Variants in WDFY4 observed in about 807,000 individuals in gnomAD.
WDFY4 encodes the protein WDFY family member 4.
A neutral mutation model predicts 351.9 loss-of-function variants in WDFY4; 169 were observed. The observed-to-expected ratio is 0.48, with a 90% CI of 0.42 to 0.55. The LOEUF is 0.55. Among genes scored for constraint, WDFY4 ranks in the 20% least tolerant of loss-of-function variants. The probability of loss-of-function intolerance (pLI) is 0.00; values close to 1 mark genes in which losing one functional copy is unlikely to be tolerated. For missense variants in WDFY4, 3,803 were observed against 3,935.6 expected (o/e 0.97, Z 0.90); for synonymous variants, 1,622 against 1,574.6 (o/e 1.03, Z -0.71).
intron 51 of WDFY4, 54 bp downstream of exon 51, chr10:48,947,023 CGCCTGT>C: frequency 3.3e-6 from 4 of 1,204,408 alleles, no homozygotes; most frequent in Non-Finnish European, 4.7e-6. Flanking sequence ...CACACACATA[CGCCTGT>C]ATCACAAGAC....
intron 1 of WDFY4, among the ~76,000 whole-genome samples, chr10:48,703,607 G>A (rs541547759): frequency 1.3e-5 from 2 of 152,262 alleles, no homozygotes; most frequent in African/African-American, 4.8e-5. Context: ...TTGCTCTGGG[G>A]CAGCTTTTCC....
Position 48,727,589 on chromosome 10 carries a change from G to A in WDFY4, c.901G>A (p.Val301Ile), listed in dbSNP as rs764549050. 87 of 1,551,844 alleles carry A rather than the reference G, an allele frequency of 5.6e-5. 2 individuals are homozygous for A. In the South Asian group the frequency reaches 8.0e-4, roughly 14 times the overall value. Residue 301 changes from valine (V) to isoleucine (I), a missense_variant, in exon 7 of 62, where the codon GTC (valine) becomes ATC (isoleucine). Transcript: ENST00000325239. ...GGGATTCGTGAAGGACTCCTACCCC[G>A]TCTCCTCGGCTCTGTTCCTGGAGTT... ...ILGFVKDSYP[V>I]SSALFLEFEN... is the part of the protein sequence containing the mutation.
chr10:48,775,755 A>T lies in WDFY4; in HGVS notation c.2812A>T (p.Thr938Ser). 1 of 1,551,756 alleles carries T rather than the reference A, an allele frequency of 6.4e-7. No homozygotes were observed. The highest frequency in any genetic ancestry group is 8.7e-7 in the Non-Finnish European group (1 of 1,147,010). The change falls in exon 15 of 62, where the codon ACA (threonine) becomes TCA (serine). Residue 938 changes from threonine to serine, a missense_variant. Around this residue, in one of 3 missense-constraint regions of WDFY4, gnomAD observed 3,054 missense variants for 3,148.6 expected, o/e 0.97. Coordinates refer to ENST00000325239, the MANE Select transcript of WDFY4 (RefSeq NM_001394531.1). Reference sequence around the variant, plus strand: ...AATTCCCTCATCTCTGTCGGCCACAACAAAAATCCTTGATTCATCTCACAC... The same window carrying T: ...AATTCCCTCATCTCTGTCGGCCACATCAAAAATCCTTGATTCATCTCACAC... Reference protein sequence around the residue: ...LGIPSSLSATTKILDSSHTHR... With the variant: ...LGIPSSLSATSKILDSSHTHR...
At chr10:48,770,946 G>A (rs1290740975) in intron 13 of WDFY4, among the ~76,000 whole-genome samples, 2 of 152,216 alleles carry the variant, frequency 1.3e-5, no homozygotes, top group African/African-American at 4.8e-5. Flanking sequence ...TGCAGCCTGG[G>A]AAGGATGTCC....
At chr10:48,856,720 A>G (rs973842617) in intron 39 of WDFY4, among the ~76,000 whole-genome samples, 21 of 152,156 alleles carry the variant, frequency 1.4e-4, no homozygotes, top group African/African-American at 4.8e-4. Flanking sequence ...GACTATTTTA[A>G]GCCATACATT....
At chr10:48,957,831 T>G (rs1420069323) in intron 52 of WDFY4, among the ~76,000 whole-genome samples, 1 of 152,020 alleles carries the variant, frequency 6.6e-6, no homozygotes, top group East Asian at 1.9e-4. Flanking sequence ...GCTATAGAGG[T>G]GGAACAAACA....
intron 24 of WDFY4, among the ~76,000 whole-genome samples, chr10:48,801,741 T>G (rs117248004): frequency 6.6e-6 from 1 of 152,194 alleles, no homozygotes; most frequent in East Asian, 1.9e-4. Flanking sequence ...TTACGAAAGA[T>G]AGTGGCATGT....
At chr10:48,839,338 A>G (rs2133110744) in intron 39 of WDFY4, among the ~76,000 whole-genome samples, 1 of 152,372 alleles carries the variant, frequency 6.6e-6, no homozygotes, top group South Asian at 2.1e-4. Context: ...TTAAAATCTG[A>G]TATTCAGAAG....
chr10:48,932,572 G>T (rs1047594998), intron 47 of WDFY4: 15 of 151,844 alleles, frequency 9.9e-5, no homozygotes, highest in Admixed American at 8.5e-4. Flanking sequence ...TATGGGTCAG[G>T]TCAGTGGATA....
Position 48,978,480 on chromosome 10 carries a change from G to C in WDFY4, c.9376+87G>C. 5 of 1,308,076 alleles carry C rather than the reference G, an allele frequency of 3.8e-6. No individual in the cohort carries two copies. The South Asian group carries it at 7.4e-5, about 19-fold the overall frequency. 81.0% of individuals were successfully genotyped at this position (1,308,076 alleles called of 1,614,324 possible). On this transcript the variant is annotated intron_variant, in intron 60 of 61. Coordinates refer to ENST00000325239, the MANE Select transcript of WDFY4 (RefSeq NM_001394531.1). ...TCTCCACCTCAGCCCAAGGGCTGCA[G>C]CTCCTCCCAGGTCTGCCCAGCCTAG... is the stretch of plus-strand genomic sequence containing the variant.
At chr10:48,848,739 A>C (rs916162781) in intron 39 of WDFY4, among the ~76,000 whole-genome samples, 3 of 152,224 alleles carry the variant, frequency 2.0e-5, no homozygotes, top group Non-Finnish European at 4.4e-5. Context: ...ACGGCGACAC[A>C]GAATGCTGCC....
intron 60 of WDFY4, 110 bp downstream of exon 60, chr10:48,978,503 TAGGG>T: frequency 1.9e-6 from 2 of 1,042,774 alleles, no homozygotes; most frequent in Non-Finnish European, 2.7e-6. Context: ...CTGCCCAGCC[TAGGG>T]AGGCCTAGGA....
At chr10:48,738,208 A>G (rs1465726019) in intron 11 of WDFY4, among the ~76,000 whole-genome samples, 2 of 152,212 alleles carry the variant, frequency 1.3e-5, no homozygotes, top group Non-Finnish European at 2.9e-5. Flanking sequence ...GAGTAAAAGT[A>G]TTTTTGTGTC....
chr10:48,742,849 CTTG>C (rs1175049772), intron 11 of WDFY4, 116 bp from the exon 12 acceptor site: 10 of 894,266 alleles, frequency 1.1e-5, no homozygotes, highest in African/African-American at 5.1e-5. Context: ...CTTCCTGTAA[CTTG>C]TTGGCCTGAA....
In WDFY4 at chr10:48,830,856, C is replaced by T. The variant is rs1311659163; in HGVS notation, c.6497C>T (p.Thr2166Met). ...GAGGTCACACCGCTCTGGGAGGAGA[C>T]GATGCTCAAGGCCTGGCAGCATTAC... ...IEEVTPLWEE[T>M]MLKAWQHYLA... Residue 2166 changes from threonine to methionine, a missense_variant, in exon 38 of 62, where the codon ACG (threonine) becomes ATG (methionine). Coordinates refer to ENST00000325239, the MANE Select transcript of WDFY4 (RefSeq NM_001394531.1). 40 of 1,551,528 alleles carry T rather than the reference C, an allele frequency of 2.6e-5. No homozygotes were observed. Among genetic ancestry groups the T allele is most frequent in the Admixed American group, 1.8e-4 (9 of 50,992 alleles).
Position 48,966,603 on chromosome 10 carries a change from C to A in WDFY4, c.8514C>A (p.Ser2838Arg), listed in dbSNP as rs140679001. ...GAAAGGATGTCTCCACCCCCGTGAG[C>A]CTGCCTGGCCACCCACAGCCCTTTT... ...LPGKDVSTPV[S>R]LPGHPQPFFY... The change falls in exon 55 of 62, where the codon AGC becomes AGA. Residue 2838 changes from serine to arginine, a missense_variant. Ser to Arg is a moderately radical substitution (Grantham distance 110). Coordinates refer to ENST00000325239, the MANE Select transcript of WDFY4 (RefSeq NM_001394531.1). 154 of 1,551,972 alleles carry A rather than the reference C, an allele frequency of 9.9e-5. No homozygotes were observed. In the African/African-American group the frequency reaches 1.8e-3, roughly 18 times the overall value.
In WDFY4 at chr10:48,897,585, T is replaced by A; in HGVS notation, c.7437+11T>A. ...CGCTTCCTCCTGCAGGTAAGCACAC[T>A]GGGTGCTGGCACGCCTGGGGCCTGC... On this transcript the variant is annotated intron_variant, in intron 45 of 61. Coordinates refer to ENST00000325239, the MANE Select transcript of WDFY4 (RefSeq NM_001394531.1). 3 of 1,543,616 alleles carry A rather than the reference T, an allele frequency of 1.9e-6. No individual in the cohort carries two copies. The highest frequency in any genetic ancestry group is 2.6e-6 in the Non-Finnish European group (3 of 1,146,476).
Position 48,780,001 on chromosome 10 carries a change from G to T in WDFY4, c.3458G>T (p.Cys1153Phe). ...GCAGGATGCCAGCTTCAGGTCAGGT[G>T]TGGCCAGCTCCTGGCTTGTGGTCAG... ...PSAGCQLQVRCGQLLACGQWH... is the reference protein window; with the variant it reads ...PSAGCQLQVRFGQLLACGQWH... Residue 1153 changes from cysteine (C) to phenylalanine (F), a missense_variant, in exon 19 of 62, where the codon TGT becomes TTT. Around this residue, in one of 3 missense-constraint regions of WDFY4, gnomAD observed 3,054 missense variants for 3,148.6 expected, o/e 0.97. Transcript: ENST00000325239. The T allele has an allele frequency of 6.4e-7, 1 of 1,551,874 alleles. No individual in the cohort carries two copies. The highest frequency in any genetic ancestry group is 8.7e-7 in the Non-Finnish European group (1 of 1,147,048).
chr10:48,884,634 C>A (rs752073437), intron 43 of WDFY4, among the ~76,000 whole-genome samples: 4 of 152,110 alleles, frequency 2.6e-5, no homozygotes, highest in Non-Finnish European at 5.9e-5. Context: ...CACATACACA[C>A]CCCTCTGACT....
Sources: gnomAD v4.1 joint callset for allele counts (sites outside exome capture counted in the v4.1 genomes callset) on GRCh38, gnomAD v4.1.1 for gene constraint, gnomAD v4.1.1 regional missense constraint, MANE v1.5 for transcripts, NCBI Gene and HGNC (gene_info 2026-07-23, HGNC 2026-07-21) for gene names.